Variants in MYOM2 observed in about 807,000 individuals in gnomAD.
MYOM2 encodes the protein myomesin-2.
MYOM2 carries 254 observed loss-of-function variants against 187.6 expected under a neutral mutation model. The observed-to-expected ratio is 1.35, with a 90% CI of 1.22 to 1.50. The LOEUF is 1.50. Ranked by LOEUF, MYOM2 falls within the 40% of genes most tolerant of loss-of-function variation. MYOM2 has a pLI of 0.00. For missense variants in MYOM2, 2,796 were observed against 1,924.0 expected, an observed-to-expected ratio of 1.45 and a Z score of -8.48; for synonymous variants, 981 against 753.8, an observed-to-expected ratio of 1.30 and a Z score of -4.94.
At position 2,076,206 on chromosome 8, in the gene MYOM2, C is replaced by A. The variant is rs370886250; in HGVS notation, c.1186C>A (p.Arg396=). ...GGACTTGCAGTGCCACGACGCCAAC[C>A]GGGACTACGTCATCGTGACCTGGAA... is the stretch of plus-strand genomic sequence containing the variant. ...PMDLQCHDAN[R]DYVIVTWKPP... Residue 396 remains arginine (R), a synonymous_variant, in exon 11 of 37, where the codon CGG becomes AGG. Coordinates refer to ENST00000262113, the MANE Select transcript of MYOM2 (RefSeq NM_003970.4). 70 of 1,613,540 alleles carry A rather than the reference C, an allele frequency of 4.3e-5. No homozygotes were observed. In the African/African-American group the frequency reaches 7.3e-4, roughly 17 times the overall value.
intron 36 of MYOM2, among the ~76,000 whole-genome samples, chr8:2,143,765 A>G (rs1798360347): frequency 6.6e-6 from 1 of 152,182 alleles, no homozygotes; most frequent in East Asian, 1.9e-4. Context: ...CCCTGTGGCC[A>G]TTCACCCAGA....
chr8:2,134,021 C>G (rs1357741669), intron 32 of MYOM2, among the ~76,000 whole-genome samples: 1 of 152,138 alleles, frequency 6.6e-6, no homozygotes, highest in African/African-American at 2.4e-5. Context: ...GTGTAGCCAC[C>G]TCCACCGTCT....
chr8:2,114,363 C>T (rs1378665959), intron 25 of MYOM2, among the ~76,000 whole-genome samples: 1 of 152,236 alleles, frequency 6.6e-6, no homozygotes, highest in Non-Finnish European at 1.5e-5. Flanking sequence ...AACAGCCTTC[C>T]AGTCTTTCTC....
intron 15 of MYOM2, among the ~76,000 whole-genome samples, chr8:2,090,636 T>C (rs1796267367): frequency 6.6e-6 from 1 of 152,146 alleles, no homozygotes; most frequent in Non-Finnish European, 1.5e-5. Context: ...CTAGACCCTC[T>C]GATAGTCCCC....
intron 6 of MYOM2, among the ~76,000 whole-genome samples, chr8:2,064,831 C>G (rs1818964064): frequency 6.6e-6 from 1 of 152,200 alleles, no homozygotes; most frequent in Non-Finnish European, 1.5e-5. Flanking sequence ...TTCCTACATT[C>G]TTAGACAAGG....
chr8:2,095,671 C>G (rs1167389034), intron 17 of MYOM2, among the ~76,000 whole-genome samples: 1 of 152,168 alleles, frequency 6.6e-6, no homozygotes, highest in Non-Finnish European at 1.5e-5. Context: ...ATTGAGGTGA[C>G]TCAGAGCTGG....
At position 2,076,114 on chromosome 8, in the gene MYOM2, G is replaced by T. The variant is rs112515632; in HGVS notation, c.1121-27G>T. The stretch of plus-strand genomic sequence containing the variant: ...TGACCCCAGCCTTTAAATGACAGGC[G>T]TGTGCCTTTTCTCTCCCTGCCCCAA... On this transcript the variant is annotated intron_variant, in intron 10 of 36. Transcript: ENST00000262113. 355 of 1,601,472 alleles carry T rather than the reference G, an allele frequency of 2.2e-4. 1 individual carries two copies. The highest frequency in any genetic ancestry group is 2.8e-4 in the Non-Finnish European group (328 of 1,174,886).
At chr8:2,079,684 A>G (rs1028971329) in intron 13 of MYOM2, 71 bp downstream of exon 13, 2 of 1,512,236 alleles carry the variant, frequency 1.3e-6, no homozygotes, top group Non-Finnish European at 1.8e-6. Flanking sequence ...GATGGGAGAG[A>G]TGGACAGAGA....
rs756635455 is a variant in MYOM2 at position 2,072,380 on chromosome 8, G to C, written c.829G>C (p.Asp277His). 1.9e-6 allele frequency: 3 copies of C among 1,613,776 alleles called. No individual in the cohort carries two copies. Among genetic ancestry groups the C allele is most frequent in the Non-Finnish European group, 2.5e-6 (3 of 1,179,754 alleles). Residue 277 changes from aspartate to histidine, a missense_variant, in exon 9 of 37, where the codon GAC becomes CAC. Coordinates refer to ENST00000262113, the MANE Select transcript of MYOM2 (RefSeq NM_003970.4). ...ATCGATGATTCCGTACACGCACTTCGACGTCCAGTTTTTGGAGAAGTTTGG... is the reference window on the plus strand; with the variant it reads ...ATCGATGATTCCGTACACGCACTTCCACGTCCAGTTTTTGGAGAAGTTTGG... ...LSSMIPYTHFDVQFLEKFGVT... is the reference protein window; with the variant it reads ...LSSMIPYTHFHVQFLEKFGVT...
rs751456813 is a variant in MYOM2, at chr8:2,052,139, C to T, written c.108-19C>T. On this transcript the variant is annotated intron_variant, in intron 2 of 36. Coordinates refer to ENST00000262113, the MANE Select transcript of MYOM2 (RefSeq NM_003970.4). The stretch of plus-strand genomic sequence containing the variant: ...TGTGCCTGAGCATGCATCTCCTAAT[C>T]GTGTCCATGTTCCTGAAGGCGAGCT... 13 of 1,612,606 alleles carry T rather than the reference C, an allele frequency of 8.1e-6. No individual in the cohort carries two copies. Among genetic ancestry groups the T allele is most frequent in the South Asian group, 6.6e-5 (6 of 90,690 alleles).
chr8:2,079,738 C>G, intron 13 of MYOM2, 125 bp downstream of exon 13: 1 of 1,046,064 alleles, frequency 9.6e-7, no homozygotes. Flanking sequence ...AAATGAAAAC[C>G]GCAGGTCAGG....
At chr8:2,138,102 T>C (rs1332711147) in intron 32 of MYOM2, among the ~76,000 whole-genome samples, 1 of 152,202 alleles carries the variant, frequency 6.6e-6, no homozygotes, top group Non-Finnish European at 1.5e-5. Flanking sequence ...ATCCCTTTAG[T>C]AATAGCGACC....
At chr8:2,131,287 C>T (rs952118035) in intron 32 of MYOM2, among the ~76,000 whole-genome samples, 3 of 152,000 alleles carry the variant, frequency 2.0e-5, no homozygotes, top group African/African-American at 7.3e-5. Context: ...GTATTTATAC[C>T]CACATTTTAT....
In MYOM2 at chr8:2,096,400, T is replaced by C. The variant is rs770474118; in HGVS notation, c.2279T>C (p.Val760Ala). The change falls in exon 18 of 37, where the codon GTC becomes GCC. Residue 760 changes from valine (V) to alanine (A), a missense_variant. By Grantham distance (64) the Val-to-Ala change is moderately conservative (BLOSUM62 0). Transcript: ENST00000262113. The part of the protein sequence containing the change: ...REVHHKNWHE[V>A]NSSPSKPTIL... Reference sequence around the variant, plus strand: ...GTTCACCATAAAAACTGGCACGAGGTCAATTCCTCACCCAGCAAACCGACA... The same window carrying C: ...GTTCACCATAAAAACTGGCACGAGGCCAATTCCTCACCCAGCAAACCGACA... 6.2e-7 allele frequency: 1 copy of C among 1,614,070 alleles called. No individual in the cohort carries two copies. The highest frequency in any genetic ancestry group is 1.7e-5 in the Admixed American group (1 of 60,008).
chr8:2,062,978 G>A (rs893875), intron 6 of MYOM2, among the ~76,000 whole-genome samples: 52,955 of 151,990 alleles, frequency 0.35, 9,619 homozygotes, highest in Non-Finnish European at 0.39. Context: ...CGTTGAATCC[G>A]CCCCGGAATA....
Position 2,072,492 on chromosome 8 carries a change from C to T in MYOM2, c.941C>T (p.Ala314Val), listed in dbSNP as rs1479024865. Residue 314 changes from alanine (A) to valine (V), a missense_variant, in exon 9 of 37, where the codon GCC (alanine) becomes GTC (valine). Transcript: ENST00000262113. ...TPDLKRVQPR[A>V]EWYRDDVLLK... is the part of the protein sequence containing the mutation. ...GACCTGAAGCGGGTGCAGCCGCGCG[C>T]CGAGTGGTACCGCGATGGTGAGTAG... is the stretch of plus-strand genomic sequence containing the variant. The T allele has an allele frequency of 6.2e-7, 1 of 1,613,328 alleles. No homozygotes were observed. Among genetic ancestry groups the T allele is most frequent in the Non-Finnish European group, 8.5e-7 (1 of 1,180,022 alleles).
intron 32 of MYOM2, among the ~76,000 whole-genome samples, chr8:2,134,441 G>A (rs1421476676): frequency 6.6e-6 from 1 of 152,172 alleles, no homozygotes; most frequent in South Asian, 2.1e-4. Flanking sequence ...CTCTTCCTGG[G>A]AACGTTATTA....
At position 2,069,460 on chromosome 8, in the gene MYOM2, C is replaced by G. The variant is rs564486111; in HGVS notation, c.756C>G (p.Asp252Glu). ...AAVVVRRFRGDEEPFRSVGLP... is the reference protein window; with the variant it reads ...AAVVVRRFRGEEEPFRSVGLP... ...GCTGTCTTGCAGGGTTCCGGGGAGA[C>G]GAGGAACCATTCCGTTCGGTGGGAC... Residue 252 changes from aspartate (D) to glutamate (E), a missense_variant, in exon 8 of 37, where the codon GAC (aspartate) becomes GAG (glutamate). Physicochemically the swap from Asp to Glu is conservative, Grantham distance 45. Coordinates refer to ENST00000262113, the MANE Select transcript of MYOM2 (RefSeq NM_003970.4). 6.2e-7 allele frequency: 1 copy of G among 1,614,056 alleles called. No homozygotes were observed. Among genetic ancestry groups the G allele is most frequent in the Middle Eastern group, 1.6e-4 (1 of 6,082 alleles).
chr8:2,081,296 GC>G (rs1819617990), intron 13 of MYOM2, among the ~76,000 whole-genome samples: 110 of 135,962 alleles, frequency 8.1e-4, no homozygotes, highest in Middle Eastern at 3.8e-3. Context: ...GGAGGAACAG[GC>G]AGCCCAGCCC....
Sources: allele counts gnomAD v4.1 joint callset (sites outside exome capture counted in the v4.1 genomes callset), GRCh38; gene constraint gnomAD v4.1.1; transcripts MANE v1.5; gene names NCBI Gene and HGNC (gene_info 2026-07-23, HGNC 2026-07-21).